GPHN: variants seen among roughly 807,000 people sequenced by gnomAD.
GPHN encodes gephyrin.
A neutral mutation model predicts 95.5 loss-of-function variants in GPHN; 17 were observed. The ratio of observed to expected loss-of-function variants is 0.18; its 90% CI spans 0.12 to 0.27. GPHN has a LOEUF of 0.27. Among genes scored for constraint, GPHN ranks in the 10% least tolerant of loss-of-function variants. The probability of loss-of-function intolerance (pLI) is 1.00; values close to 1 mark genes in which losing one functional copy is unlikely to be tolerated. For synonymous variants in GPHN, 320 were observed against 322.5 expected (o/e 0.99, Z 0.08); for missense variants, 660 against 978.1 (o/e 0.67, Z 4.34).
the GPHN span, among the ~76,000 whole-genome samples, chr14:67,212,640 A>G: frequency 1.4e-4 from 21 of 145,882 alleles, no homozygotes; most frequent in African/African-American, 2.5e-5. Context: ...TATAATATAT[A>G]TTACATATAT....
chr14:66,539,088 T>A (rs889396520), intron 1 of GPHN, among the ~76,000 whole-genome samples: 3 of 152,220 alleles, frequency 2.0e-5, no homozygotes, highest in Non-Finnish European at 4.4e-5. Context: ...TCCACAGCCC[T>A]GAAAGACTGC....
At chr14:67,233,563 C>T in the GPHN span, among the ~76,000 whole-genome samples, 1 of 152,310 alleles carries the variant, frequency 6.6e-6, no homozygotes, top group South Asian at 2.1e-4. Flanking sequence ...AGCACTACCT[C>T]CTATATCTGA....
intron 1 of GPHN, among the ~76,000 whole-genome samples, chr14:66,592,780 C>G (rs973781440): frequency 6.6e-6 from 1 of 152,162 alleles, no homozygotes; most frequent in African/African-American, 2.4e-5. Context: ...ACCACTTGAC[C>G]CAGCAGTCCC....
chr14:67,086,507 C>T (rs1242157887), intron 11 of GPHN, among the ~76,000 whole-genome samples: 4 of 151,008 alleles, frequency 2.6e-5, no homozygotes, highest in African/African-American at 9.7e-5. Context: ...AAAAATTAGC[C>T]GGGCGAGGTG....
In GPHN at chr14:66,926,483, C is replaced by T. The variant is rs530186484; in HGVS notation, c.828+2191C>T. Among the ~76,000 whole-genome samples, 624 of 152,248 alleles carry T rather than the reference C, an allele frequency of 4.1e-3. 1 individual carries two copies. Among genetic ancestry groups the T allele is most frequent in the Non-Finnish European group, 5.1e-3 (346 of 68,010 alleles). ...AATCTGCATATGGATATCCAGTTTT[C>T]CCAGCACCATTTATTGAAGAGACTG... On this transcript the variant is annotated intron_variant, in intron 8 of 22. Coordinates refer to ENST00000478722, the MANE Select transcript of GPHN (RefSeq NM_020806.5).
intron 1 of GPHN, among the ~76,000 whole-genome samples, chr14:66,636,298 A>G (rs1466211616): frequency 1.3e-5 from 2 of 152,006 alleles, no homozygotes; most frequent in Non-Finnish European, 1.5e-5. Flanking sequence ...TGGATTCCCC[A>G]TCTTACCTGC....
chr14:67,248,806 T>A, the GPHN span, among the ~76,000 whole-genome samples: 1 of 152,116 alleles, frequency 6.6e-6, no homozygotes, highest in Non-Finnish European at 1.5e-5. Context: ...CTGGACTTAG[T>A]TTACATACCA....
intron 2 of GPHN, among the ~76,000 whole-genome samples, chr14:66,695,452 C>T (rs968331452): frequency 6.6e-6 from 1 of 152,188 alleles, no homozygotes; most frequent in African/African-American, 2.4e-5. Flanking sequence ...GGCATAGCCA[C>T]TTTGGAGGAC....
At position 66,737,224 on chromosome 14, in the gene GPHN, T is replaced by C. The variant is rs547787281; in HGVS notation, c.144-39240T>C. 7.2e-5 allele frequency among the ~76,000 whole-genome samples: 11 copies of C among 152,268 alleles called. 1 individual carries two copies. In the South Asian group the frequency reaches 2.3e-3, roughly 32 times the overall value. On this transcript the variant is annotated intron_variant, in intron 2 of 22. Transcript: ENST00000478722. ...CTTTCCCTTCCCCTTCCTCTTCCTG[T>C]TCTCCCTTCCTCTTTCTTTTTCCCC... is the stretch of plus-strand genomic sequence containing the variant.
At chr14:67,401,214 C>T in the GPHN span, among the ~76,000 whole-genome samples, 1 of 151,638 alleles carries the variant, frequency 6.6e-6, no homozygotes, top group African/African-American at 2.4e-5. Context: ...AGGTTGGCTG[C>T]GGTGGCTCAG....
intron 17 of GPHN, among the ~76,000 whole-genome samples, chr14:67,132,758 C>T (rs2079800269): frequency 6.6e-6 from 1 of 151,828 alleles, no homozygotes; most frequent in African/African-American, 2.4e-5. Flanking sequence ...ACCCCAAACT[C>T]ATAAAAAGTA....
the GPHN span, among the ~76,000 whole-genome samples, chr14:67,283,913 G>A: frequency 6.6e-6 from 1 of 152,118 alleles, no homozygotes; most frequent in Non-Finnish European, 1.5e-5. Context: ...GTTGTCTTAC[G>A]GCACATTCAG....
chr14:66,511,245 A>G (rs957519569), intron 1 of GPHN, among the ~76,000 whole-genome samples: 1 of 152,130 alleles, frequency 6.6e-6, no homozygotes, highest in South Asian at 2.1e-4. Flanking sequence ...AATTTTGTGT[A>G]TTCTAGAACT....
chr14:67,183,315 C>T (rs2083348846), downstream of GPHN, among the ~76,000 whole-genome samples: 1 of 152,162 alleles, frequency 6.6e-6, no homozygotes, highest in Non-Finnish European at 1.5e-5. Context: ...TATATGCAAG[C>T]ATCAGTAAAT....
At chr14:67,718,420 T>C in the GPHN span, among the ~76,000 whole-genome samples, 2 of 152,314 alleles carry the variant, frequency 1.3e-5, no homozygotes, top group South Asian at 2.1e-4. Flanking sequence ...ACCAGTACAG[T>C]ATGAGCTGCT....
chr14:67,314,760 G>A, the GPHN span, among the ~76,000 whole-genome samples: 2 of 152,138 alleles, frequency 1.3e-5, no homozygotes, highest in South Asian at 2.1e-4. Context: ...AGAGTTTGAC[G>A]ATGGCTTTCC....
intron 10 of GPHN, among the ~76,000 whole-genome samples, chr14:67,040,301 A>G (rs1004025147): frequency 1.3e-5 from 2 of 152,138 alleles, no homozygotes; most frequent in Non-Finnish European, 2.9e-5. Flanking sequence ...CTATAAATTA[A>G]TATACATATT....
chr14:66,824,545 AC>A lies in GPHN; in HGVS notation c.275del (p.Pro92HisfsTer12). 1 of 1,556,804 alleles carries A rather than the reference AC, an allele frequency of 6.4e-7. No homozygotes were observed. Among genetic ancestry groups the A allele is most frequent in the Non-Finnish European group, 8.9e-7 (1 of 1,127,816 alleles). On this transcript the variant is annotated frameshift_variant, in exon 4 of 23. Coordinates refer to ENST00000478722, the MANE Select transcript of GPHN (RefSeq NM_020806.5). LOFTEE classifies it high-confidence loss of function. ...ILTTGGTGFA[P>X]RDVTPEATKE... is the part of the protein sequence containing the mutation. ...TAACAACTGGAGGAACAGGATTTGC[AC>A]CACGAGATGTCACTCCAGAGGTGAG...
At chr14:67,269,075 T>C in the GPHN span, among the ~76,000 whole-genome samples, 29 of 152,308 alleles carry the variant, frequency 1.9e-4, 2 homozygotes, top group African/African-American at 6.5e-4. Context: ...ACTTTTTGTC[T>C]CTCTATATTT....
Sources: gnomAD v4.1 joint callset for allele counts (sites outside exome capture counted in the v4.1 genomes callset) on GRCh38, gnomAD v4.1.1 for gene constraint, MANE v1.5 for transcripts, NCBI Gene and HGNC (gene_info 2026-07-23, HGNC 2026-07-21) for gene names.